The following PDXDC1 variants were observed in gnomAD, a reference collection of about 807,000 sequenced individuals.
The protein encoded by PDXDC1 is pyridoxal dependent decarboxylase domain containing 1.
A neutral mutation model predicts 100.1 loss-of-function variants in PDXDC1; 42 were observed. The ratio of observed to expected loss-of-function variants is 0.42; its 90% CI spans 0.33 to 0.54. PDXDC1 has a LOEUF of 0.54. Ranked by LOEUF, PDXDC1 falls within the 20% of genes least tolerant of loss-of-function variation. The pLI is 0.10. For missense variants in PDXDC1, 636 were observed against 979.2 expected, an observed-to-expected ratio of 0.65 and a Z score of 4.68; for synonymous variants, 260 against 371.7, an observed-to-expected ratio of 0.70 and a Z score of 3.46.
In PDXDC1 at chr16:15,037,156, A is replaced by AGCTCGC. The variant is rs2043502802; in HGVS notation, c.*882_*887dup. On this transcript the variant is annotated 3_prime_UTR_variant, in exon 23 of 23. Coordinates refer to ENST00000396410, the MANE Select transcript of PDXDC1 (RefSeq NM_015027.4). ...CCACTGAAGCTTCTACTGCCCTGGC[A>AGCTCGC]GCTCGCCTGGGCCCAACTCAGAAAC... 6.6e-6 allele frequency: 1 copy of AGCTCGC among 152,214 alleles called. No homozygotes were observed. Among genetic ancestry groups the AGCTCGC allele is most frequent in the African/African-American group, 2.4e-5 (1 of 41,446 alleles). 9.4% of individuals were successfully genotyped at this position (152,214 alleles called of 1,614,324 possible).
chr16:15,057,217 CTG>C (rs749741339), intron 16 of PDXDC1, among the ~76,000 whole-genome samples: 14 of 152,294 alleles, frequency 9.2e-5, no homozygotes, highest in Non-Finnish European at 1.9e-4. Context: ...AAAGAAATGA[CTG>C]TAGAAGATGG....
At chr16:15,022,619 A>C in intron 12 of PDXDC1, 85 bp from the exon 13 acceptor site, 1 of 1,339,200 alleles carries the variant, frequency 7.5e-7, no homozygotes, top group Non-Finnish European at 1.0e-6. Context: ...ATCCGTGTTC[A>C]CAGACCTCCA....
At chr16:15,098,315 C>G (rs2046429045) in intron 16 of PDXDC1, among the ~76,000 whole-genome samples, 2 of 151,320 alleles carry the variant, frequency 1.3e-5, no homozygotes, top group Admixed American at 6.6e-5. Context: ...ATTCTCCTGC[C>G]TCAGCCTCCT....
chr16:15,132,697 G>T lies in PDXDC1; in HGVS notation c.1400-6182G>T, dbSNP rs1417081249. On this transcript the variant is annotated intron_variant, in intron 16 of 16. Coordinates refer to the PDXDC1 transcript ENST00000535621. ...GTACCCTGGCAGGCATGCGGGGCGG[G>T]GTGAGCATGTGGGGCCATCCTACCA... 3 of 835,022 alleles carry T rather than the reference G, an allele frequency of 3.6e-6. No homozygotes were observed. The East Asian group carries it at 7.7e-5, about 21-fold the overall frequency. 51.7% of individuals were successfully genotyped at this position (835,022 alleles called of 1,614,324 possible).
At chr16:15,011,788 C>G (rs1362255519) in intron 8 of PDXDC1, among the ~76,000 whole-genome samples, 24 of 152,236 alleles carry the variant, frequency 1.6e-4, no homozygotes, top group African/African-American at 5.5e-4. Flanking sequence ...CTCAGCCTCC[C>G]GAGTAGCTGG....
intron 16 of PDXDC1, among the ~76,000 whole-genome samples, chr16:15,090,236 AT>A (rs1287536228): frequency 6.6e-6 from 1 of 152,074 alleles, no homozygotes; most frequent in Non-Finnish European, 1.5e-5. Context: ...TGAAATCAGC[AT>A]GTAAAAAAAA....
chr16:15,135,805 A>AG, intron 16 of PDXDC1: 1 of 1,481,466 alleles, frequency 6.8e-7, no homozygotes, highest in Non-Finnish European at 9.3e-7. Flanking sequence ...CCAGGCGCTC[A>AG]GGGGCCACCG....
chr16:15,131,331 G>A, intron 16 of PDXDC1: 2 of 1,558,788 alleles, frequency 1.3e-6, no homozygotes, highest in African/African-American at 1.3e-5. Flanking sequence ...AGGCCACCTT[G>A]GTGGAGACGG....
chr16:15,040,086 G>A (rs931326084), downstream of PDXDC1: 3 of 1,396,506 alleles, frequency 2.1e-6, no homozygotes, highest in Non-Finnish European at 3.0e-6. Flanking sequence ...ACAACAGGAT[G>A]ACTCTGAATT....
chr16:15,041,958 G>GA (rs2043835777), downstream of PDXDC1, among the ~76,000 whole-genome samples: 1 of 152,254 alleles, frequency 6.6e-6, no homozygotes, highest in African/African-American at 2.4e-5. Context: ...GTTTTGCGGG[G>GA]ACCCATGGAT....
At chr16:15,127,590 C>T (rs1294597557) in intron 16 of PDXDC1, 11 of 1,350,798 alleles carry the variant, frequency 8.1e-6, no homozygotes, top group South Asian at 2.5e-5. Context: ...TGGACACATG[C>T]CCCGTGCTGT....
At chr16:15,041,039 C>G (rs758903535), downstream of PDXDC1, 70 of 1,535,670 alleles carry the variant, frequency 4.6e-5, 1 homozygote, top group South Asian at 7.0e-4. Context: ...GACCAAGACT[C>G]CAACCCACAA....
At position 15,034,297 on chromosome 16, in the gene PDXDC1, C is replaced by T. The variant is rs1323877864; in HGVS notation, c.1824C>T (p.Asn608=). 6.2e-7 allele frequency: 1 copy of T among 1,613,074 alleles called. No individual in the cohort carries two copies. The highest frequency in any genetic ancestry group is 1.3e-5 in the African/African-American group (1 of 75,016). The change falls in exon 20 of 23, where the codon AAC becomes AAT. Residue 608 remains asparagine (N), a synonymous_variant. Transcript: ENST00000396410. Reference sequence around the variant, plus strand: ...TGGTCTTGCCACAGCTTCTGGAAAACATGACAGAAGTGGTTCGGAAAGGCA... The same window carrying T: ...TGGTCTTGCCACAGCTTCTGGAAAATATGACAGAAGTGGTTCGGAAAGGCA... ...EIEENSRLLE[N]MTEVVRKGIQ...
intron 16 of PDXDC1, chr16:15,083,777 C>T (rs1186540875): frequency 3.3e-5 from 20 of 598,082 alleles, no homozygotes; most frequent in East Asian, 1.1e-4. Flanking sequence ...AGTGCAGTGG[C>T]GCAATCTCAG....
downstream of PDXDC1, among the ~76,000 whole-genome samples, chr16:15,142,084 G>T (rs1388610071): frequency 6.6e-6 from 1 of 152,168 alleles, no homozygotes; most frequent in Non-Finnish European, 1.5e-5. Flanking sequence ...ATGGGGAGCA[G>T]CTCCCACCCA....
intron 16 of PDXDC1, among the ~76,000 whole-genome samples, chr16:15,088,301 C>A (rs1206210068): frequency 1.3e-4 from 20 of 152,060 alleles, no homozygotes; most frequent in Non-Finnish European, 7.4e-5. Flanking sequence ...CATGGGGAGA[C>A]CTCATCTCCA....
chr16:15,098,880 A>G (rs1381342844), intron 16 of PDXDC1, among the ~76,000 whole-genome samples: 3 of 152,086 alleles, frequency 2.0e-5, no homozygotes, highest in Non-Finnish European at 4.4e-5. Flanking sequence ...TCTCAAAAAA[A>G]AAGAGCAACT....
intron 16 of PDXDC1, chr16:15,127,953 C>T (rs1245619387): frequency 1.6e-5 from 24 of 1,524,874 alleles, no homozygotes; most frequent in Non-Finnish European, 1.9e-5. Flanking sequence ...CCACCCTGCC[C>T]AACCTCCCAC....
intron 16 of PDXDC1, among the ~76,000 whole-genome samples, chr16:15,058,991 ACAAAAGC>A (rs2044620943): frequency 6.6e-6 from 1 of 152,204 alleles, no homozygotes; most frequent in Non-Finnish European, 1.5e-5. Context: ...ACTGAAACAC[ACAAAAGC>A]ATTTGATGGA....
Sources: gnomAD v4.1 joint callset for allele counts (sites outside exome capture counted in the v4.1 genomes callset) on GRCh38, gnomAD v4.1.1 for gene constraint, MANE v1.5 for transcripts, NCBI Gene and HGNC (gene_info 2026-07-23, HGNC 2026-07-21) for gene names.